Variants in TRPV3 observed in about 807,000 individuals in gnomAD.
TRPV3 encodes the protein transient receptor potential cation channel subfamily V member 3.
Under a neutral mutation model 87.1 loss-of-function variants are expected in TRPV3, and 88 were observed. The observed-to-expected ratio is 1.01, with a 90% CI of 0.85 to 1.21. TRPV3 has a LOEUF of 1.21. TRPV3 is among the 50% of genes most tolerant of loss of function. The pLI, the probability that TRPV3 is intolerant of heterozygous loss-of-function variation, is 0.00. For missense variants in TRPV3, 1,054 were observed against 1,030.1 expected (o/e 1.02, Z -0.32); for synonymous variants, 438 against 423.3 (o/e 1.03, Z -0.43).
chr17:3,554,616 G>T, intron 2 of TRPV3, 116 bp downstream of exon 2: 3 of 734,236 alleles, frequency 4.1e-6, no homozygotes, highest in South Asian at 1.7e-5. Flanking sequence ...GGGCCACCCC[G>T]GGCGAGACTG....
chr17:3,549,915 G>A (rs1441792112), intron 2 of TRPV3, among the ~76,000 whole-genome samples: 1 of 151,484 alleles, frequency 6.6e-6, no homozygotes, highest in African/African-American at 2.4e-5. Context: ...GTAGATGAGT[G>A]GATGGTTGAT....
rs559927242 is a variant in TRPV3 at position 3,513,860 on chromosome 17, G to GT, written c.*56dup. On this transcript the variant is annotated 3_prime_UTR_variant, in exon 18 of 18. Transcript: ENST00000576742. ...CTCAAAGCCTCTCTGCACAGAGTCG[G>GT]TGACTCCGCCTGCAGCGCCAGACAG... 157 of 1,469,992 alleles carry GT rather than the reference G, an allele frequency of 1.1e-4. 1 individual carries two copies. The East Asian group carries it at 3.4e-3, about 32-fold the overall frequency. The allele number at this position is 1,469,992 out of a possible 1,614,324, so 91.1% of individuals were successfully genotyped here.
Position 3,542,599 on chromosome 17 carries a change from A to T in TRPV3, c.566T>A (p.Ile189Asn). 1 of 1,613,976 alleles carries T rather than the reference A, an allele frequency of 6.2e-7. No homozygotes were observed. The highest frequency in any genetic ancestry group is 1.1e-5 in the South Asian group (1 of 91,068). The stretch of plus-strand genomic sequence containing the variant: ...GTTCTCTTCAGCAAAGGCAAGCAGG[A>T]TCCGCACTATCTCCTTGGTGTTGGG... ...INPNTKEIVR[I>N]LLAFAEENDI... Residue 189 changes from isoleucine to asparagine, a missense_variant, in exon 6 of 18, where the codon ATC becomes AAC. Ile to Asn is a moderately radical substitution (Grantham distance 149). Coordinates refer to ENST00000576742, the MANE Select transcript of TRPV3 (RefSeq NM_145068.4).
chr17:3,543,715 G>A (rs1442607683), intron 4 of TRPV3, 87 bp from the exon 5 acceptor site: 4 of 1,536,770 alleles, frequency 2.6e-6, no homozygotes, highest in South Asian at 2.4e-5. Context: ...CCTACGGGGC[G>A]CTGCAGCTGC....
intron 7 of TRPV3, 110 bp from the exon 8 acceptor site, chr17:3,533,047 T>TGCCCA: frequency 7.9e-7 from 1 of 1,273,008 alleles, no homozygotes; most frequent in Non-Finnish European, 1.1e-6. Flanking sequence ...GCACCTCAGG[T>TGCCCA]TCCCTAGCCC....
intron 2 of TRPV3, chr17:3,552,934 C>G (rs531427220): frequency 1.3e-5 from 2 of 152,432 alleles, no homozygotes; most frequent in African/African-American, 4.8e-5. Context: ...TGACCCCACA[C>G]GACACCTGTC....
intron 6 of TRPV3, among the ~76,000 whole-genome samples, chr17:3,541,939 GT>G (rs1236895970): frequency 6.8e-6 from 1 of 147,458 alleles, no homozygotes; most frequent in Non-Finnish European, 1.5e-5. Flanking sequence ...TCTTTTCTTT[GT>G]TTCTTTTTCT....
At chr17:3,514,317 G>A (rs2074152958) in intron 17 of TRPV3, 3 of 513,406 alleles carry the variant, frequency 5.8e-6, no homozygotes, top group Non-Finnish European at 1.0e-5. Context: ...GACCTCAGGT[G>A]ATTCACCCGA....
chr17:3,522,798 C>G (rs1268657229), intron 13 of TRPV3, among the ~76,000 whole-genome samples: 1 of 132,482 alleles, frequency 7.5e-6, no homozygotes, highest in Non-Finnish European at 1.6e-5. Context: ...GCCTGGGCAA[C>G]AGAGCGAGAC....
chr17:3,542,530 G>T lies in TRPV3; in HGVS notation c.635C>A (p.Ala212Asp). The T allele has an allele frequency of 1.2e-6, 2 of 1,613,618 alleles. No individual in the cohort carries two copies. Among genetic ancestry groups the T allele is most frequent in the Non-Finnish European group, 1.7e-6 (2 of 1,179,716 alleles). Residue 212 changes from alanine to aspartate, a missense_variant, in exon 6 of 18, where the codon GCC (alanine) becomes GAC (aspartate). Ala to Asp is a moderately radical substitution (Grantham distance 126). Coordinates refer to ENST00000576742, the MANE Select transcript of TRPV3 (RefSeq NM_145068.4). ...RFINAEYTEE[A>D]YEGQTALNIA... ...CTCTGCAGGCAGGATACCTTCATAG[G>T]CCTCCTCTGTGTACTCGGCGTTGAT... is the stretch of plus-strand genomic sequence containing the variant.
chr17:3,515,399 G>A (rs140425242), intron 16 of TRPV3, among the ~76,000 whole-genome samples: 2,426 of 152,224 alleles, frequency 0.016, 60 homozygotes, highest in East Asian at 0.067. Flanking sequence ...CGTGGCTCAC[G>A]CCTGTAATCC....
chr17:3,533,966 T>C (rs2074375041), intron 7 of TRPV3, among the ~76,000 whole-genome samples: 1 of 152,174 alleles, frequency 6.6e-6, no homozygotes, highest in South Asian at 2.1e-4. Flanking sequence ...CAGTGCCTGA[T>C]GTAGACAGTA....
intron 2 of TRPV3, among the ~76,000 whole-genome samples, chr17:3,549,370 G>T (rs928427119): frequency 5.9e-5 from 9 of 152,306 alleles, no homozygotes; most frequent in African/African-American, 2.2e-4. Context: ...GAGTTGGTCA[G>T]AACTGACCAA....
At chr17:3,550,520 C>CTTT (rs35400667) in intron 2 of TRPV3, among the ~76,000 whole-genome samples, 1,327 of 92,034 alleles carry the variant, frequency 0.014, 25 homozygotes, top group East Asian at 0.037. Context: ...CCTGCCTGCT[C>CTTT]TTTTTTTTTT....
chr17:3,525,218 C>T (rs2074287746), intron 12 of TRPV3, among the ~76,000 whole-genome samples: 1 of 152,196 alleles, frequency 6.6e-6, no homozygotes, highest in Admixed American at 6.5e-5. Context: ...TGGGGTTTCA[C>T]CATGTTGGCC....
chr17:3,524,191 A>T lies in TRPV3; in HGVS notation c.1743+7T>A, dbSNP rs749639381. Reference sequence around the variant, plus strand: ...GGGCCCTCCCGCCGGCGCAGCTCTCAACGCACCTTCTGGATCATGACGCTG... The same window carrying T: ...GGGCCCTCCCGCCGGCGCAGCTCTCTACGCACCTTCTGGATCATGACGCTG... On this transcript the variant is annotated splice_region_variant and intron_variant, in intron 13 of 17. Transcript: ENST00000576742. 2.5e-6 allele frequency: 4 copies of T among 1,613,546 alleles called. No individual in the cohort carries two copies. The highest frequency in any genetic ancestry group is 3.4e-6 in the Non-Finnish European group (4 of 1,179,808).
At chr17:3,529,029 T>TGAGGGAGAGAGG in intron 9 of TRPV3, 34 bp from the exon 10 acceptor site, 1 of 1,613,194 alleles carries the variant, frequency 6.2e-7, no homozygotes, top group Non-Finnish European at 8.5e-7. Context: ...ACCATGGAGA[T>TGAGGGAGAGAGG]GAGGGAGAGA....
rs1376075883 is a variant in TRPV3, at chr17:3,514,010, A to C, written c.2280T>G (p.Asp760Glu). ...TGGAAGAATCTTGGATTTTGTTGAAATCTGCTTTTTAAAAAAATATATATT... is the reference window on the plus strand; with the variant it reads ...TGGAAGAATCTTGGATTTTGTTGAACTCTGCTTTTTAAAAAAATATATATT... ...NEDPGPVRRTDFNKIQDSSRN... is the reference protein window; with the variant it reads ...NEDPGPVRRTEFNKIQDSSRN... Residue 760 changes from aspartate (D) to glutamate (E), a missense_variant and splice_region_variant, in exon 18 of 18, where the codon GAT (aspartate) becomes GAG (glutamate). Coordinates refer to ENST00000576742, the MANE Select transcript of TRPV3 (RefSeq NM_145068.4). The C allele has an allele frequency of 1.9e-6, 3 of 1,610,628 alleles. No individual in the cohort carries two copies. Among genetic ancestry groups the C allele is most frequent in the Admixed American group, 3.3e-5 (2 of 59,742 alleles).
chr17:3,518,701 A>T lies in TRPV3; in HGVS notation c.1960T>A (p.Phe654Ile), dbSNP rs1427542170. ...IQQNSKYPIL[F>I]LFLLITYVIL... ...ACATAGGTGATGAGCAGGAACAGAA[A>T]GAGAATGGGATACTTGGAGTTCTGC... is the stretch of plus-strand genomic sequence containing the variant. The change falls in exon 15 of 18, where the codon TTT (phenylalanine) becomes ATT (isoleucine). Residue 654 changes from phenylalanine to isoleucine, a missense_variant. Physicochemically the swap from Phe to Ile is conservative, Grantham distance 21 (BLOSUM62 0). Transcript: ENST00000576742. This position sits in a 1 kb window ranked among gnomAD's most constrained non-coding sequence, Gnocchi z 4.3. 6.2e-6 allele frequency: 10 copies of T among 1,611,924 alleles called. No homozygotes were observed. The highest frequency in any genetic ancestry group is 7.6e-6 in the Non-Finnish European group (9 of 1,179,198).
Sources: allele counts gnomAD v4.1 joint callset (sites outside exome capture counted in the v4.1 genomes callset), GRCh38; gene constraint gnomAD v4.1.1; non-coding constraint Gnocchi (gnomAD v3.1); transcripts MANE v1.5; gene names NCBI Gene and HGNC (gene_info 2026-07-23, HGNC 2026-07-21).